The following CDK17 variants were observed in gnomAD, a reference collection of about 807,000 sequenced individuals.
CDK17 encodes cyclin-dependent kinase 17.
In CDK17, 24 loss-of-function variants were observed where a neutral mutation model predicts 77.6. The observed-to-expected ratio is 0.31, with a 90% CI of 0.22 to 0.44. CDK17 has a LOEUF of 0.44. Among genes scored for constraint, CDK17 ranks in the 20% least tolerant of loss-of-function variants. The probability of loss-of-function intolerance (pLI) is 1.00; values close to 1 mark genes in which losing one functional copy is unlikely to be tolerated. For synonymous variants in CDK17, 203 were observed against 210.4 expected (o/e 0.96, Z 0.30); for missense variants, 429 against 622.5 (o/e 0.69, Z 3.31).
At chr12:96,316,655 C>T (rs1412157565) in intron 3 of CDK17, among the ~76,000 whole-genome samples, 1 of 130,340 alleles carries the variant, frequency 7.7e-6, no homozygotes, top group Non-Finnish European at 1.6e-5. Flanking sequence ...ACCCCCTGAC[C>T]CCCGAGCAGC....
chr12:96,280,501 C>G, intron 16 of CDK17: 1 of 1,409,148 alleles, frequency 7.1e-7, no homozygotes, highest in Non-Finnish European at 9.2e-7. Flanking sequence ...CAAGATGTGT[C>G]TTCTGCCTCA....
chr12:96,378,643 T>G (rs551373192), intron 1 of CDK17, among the ~76,000 whole-genome samples: 40 of 152,372 alleles, frequency 2.6e-4, no homozygotes, highest in African/African-American at 9.6e-4. Context: ...CTACAATTGC[T>G]TGTTCAAATA....
chr12:96,285,003 C>T (rs1952228960), intron 13 of CDK17, among the ~76,000 whole-genome samples: 1 of 152,148 alleles, frequency 6.6e-6, no homozygotes, highest in Admixed American at 6.5e-5. Context: ...GTGGATGCTG[C>T]AGTCTAGACA....
intron 5 of CDK17, among the ~76,000 whole-genome samples, chr12:96,302,785 T>C (rs944259735): frequency 1.3e-5 from 2 of 152,158 alleles, no homozygotes; most frequent in Admixed American, 1.3e-4. Flanking sequence ...TTAAAGACTA[T>C]GTAAATGGAC....
In CDK17 at chr12:96,280,280, C is replaced by T. The variant is rs370511276; in HGVS notation, c.1535-1G>A. ...CTCTGTCTTCTGTTCTTCCCATGTC[C>T]TAAAATATAAAGTCATTTTATGAGG... On this transcript the variant is annotated splice_acceptor_variant, in intron 16 of 16. Coordinates refer to ENST00000261211, the MANE Select transcript of CDK17 (RefSeq NM_002595.5). LOFTEE classifies it high-confidence loss of function. 1 of 1,550,538 alleles carries T rather than the reference C, an allele frequency of 6.4e-7. No homozygotes were observed. The highest frequency in any genetic ancestry group is 1.4e-5 in the African/African-American group (1 of 72,986).
chr12:96,285,969 T>TA (rs1303586592), intron 13 of CDK17, 74 bp downstream of exon 13: 1 of 742,466 alleles, frequency 1.3e-6, no homozygotes, highest in African/African-American at 1.8e-5. Context: ...CCTGAATCCT[T>TA]ACTGTGGCTA....
chr12:96,349,219 T>C (rs1953273732), intron 1 of CDK17, among the ~76,000 whole-genome samples: 2 of 152,126 alleles, frequency 1.3e-5, no homozygotes, highest in Non-Finnish European at 2.9e-5. Context: ...TTTGGGAGGC[T>C]AAGGCAGGTA....
At chr12:96,337,654 A>C (rs1953062573) in intron 1 of CDK17, among the ~76,000 whole-genome samples, 1 of 152,218 alleles carries the variant, frequency 6.6e-6, no homozygotes, top group Non-Finnish European at 1.5e-5. Context: ...TACTTCTGAT[A>C]GTCAACCTTT....
In CDK17 at chr12:96,286,008, T is replaced by C. The variant is rs767559002; in HGVS notation, c.1322+35A>G. On this transcript the variant is annotated intron_variant, in intron 13 of 16. Transcript: ENST00000261211. ...CTTCAAAAGATTGAAAAGAATCATG[T>C]GTTTTCCCCCCTTTCACATAAGAAA... is the stretch of plus-strand genomic sequence containing the variant. 5.9e-6 allele frequency: 6 copies of C among 1,010,452 alleles called. 1 individual carries two copies. Among genetic ancestry groups the C allele is most frequent in the Non-Finnish European group, 6.2e-6 (4 of 640,360 alleles). 62.6% of individuals were successfully genotyped at this position (1,010,452 alleles called of 1,614,324 possible). A position where few individuals can be genotyped will look rare whatever the true frequency, so the allele number is the denominator to read the frequency against.
intron 5 of CDK17, among the ~76,000 whole-genome samples, chr12:96,310,514 TA>T (rs1414334504): frequency 1.3e-5 from 2 of 151,798 alleles, no homozygotes; most frequent in Non-Finnish European, 2.9e-5. Context: ...CACATATGGG[TA>T]AAACTAATCT....
At chr12:96,374,589 C>T (rs1592762524) in intron 1 of CDK17, among the ~76,000 whole-genome samples, 1 of 152,338 alleles carries the variant, frequency 6.6e-6, no homozygotes, top group East Asian at 1.9e-4. Context: ...TCTCTGACCT[C>T]TTGGCAAATT....
chr12:96,289,189 A>C lies in CDK17; in HGVS notation c.1096T>G (p.Tyr366Asp). Residue 366 changes from tyrosine to aspartate, a missense_variant, in exon 11 of 17, where the codon TAC (tyrosine) becomes GAC (aspartate). Physicochemically the swap from Tyr to Asp is radical, Grantham distance 160 (BLOSUM62 -3). Around this residue, in one of 4 missense-constraint regions of CDK17, gnomAD observed 51 missense variants for 96.5 expected, o/e 0.53. Transcript: ENST00000261211. ...PPDVLLGSSE[Y>D]STQIDMWGVG... The stretch of plus-strand genomic sequence containing the variant: ...TACCACATGTCAATCTGTGTTGAGT[A>C]CTCCGAGGAACCAAGAAGCACATCA... 1 of 1,613,892 alleles carries C rather than the reference A, an allele frequency of 6.2e-7. No individual in the cohort carries two copies.
intron 5 of CDK17, among the ~76,000 whole-genome samples, chr12:96,304,525 G>A (rs1476099372): frequency 7.2e-6 from 1 of 138,696 alleles, no homozygotes; most frequent in Non-Finnish European, 1.5e-5. Flanking sequence ...GACAGAGCAA[G>A]ACTCTGTCTC....
At chr12:96,337,997 C>T (rs1328977776) in intron 1 of CDK17, among the ~76,000 whole-genome samples, 2 of 152,188 alleles carry the variant, frequency 1.3e-5, no homozygotes, top group African/African-American at 4.8e-5. Flanking sequence ...ATCAGGTAAT[C>T]TATATAAACA....
intron 1 of CDK17, among the ~76,000 whole-genome samples, chr12:96,356,391 G>C (rs959843817): frequency 6.6e-6 from 1 of 152,150 alleles, no homozygotes. Flanking sequence ...TGTTGCCCAG[G>C]CTCAAGCAAT....
chr12:96,320,141 C>G (rs906219346), intron 3 of CDK17, among the ~76,000 whole-genome samples: 1 of 152,102 alleles, frequency 6.6e-6, no homozygotes, highest in Non-Finnish European at 1.5e-5. Context: ...ATACATTGTA[C>G]AAGCATTCTT....
intron 1 of CDK17, among the ~76,000 whole-genome samples, chr12:96,377,671 T>A (rs1445786553): frequency 6.6e-6 from 1 of 151,566 alleles, no homozygotes; most frequent in Non-Finnish European, 1.5e-5. Context: ...AGCATCAGAA[T>A]TACAGAAGCA....
At chr12:96,331,230 C>T (rs1157155770) in intron 2 of CDK17, among the ~76,000 whole-genome samples, 3 of 152,230 alleles carry the variant, frequency 2.0e-5, no homozygotes, top group African/African-American at 4.8e-5. Flanking sequence ...AGGCATAAGC[C>T]TGGTACCATG....
chr12:96,339,738 T>C (rs967018108), intron 1 of CDK17, among the ~76,000 whole-genome samples: 1 of 152,110 alleles, frequency 6.6e-6, no homozygotes, highest in Admixed American at 6.5e-5. Context: ...AAGATCAGCC[T>C]GGTCAACATG....
Sources: allele counts gnomAD v4.1 joint callset (sites outside exome capture counted in the v4.1 genomes callset), GRCh38; gene constraint gnomAD v4.1.1; regional missense constraint gnomAD v4.1.1; transcripts MANE v1.5; gene names NCBI Gene and HGNC (gene_info 2026-07-23, HGNC 2026-07-21).